The following GXYLT2 variants were observed in gnomAD, a reference collection of about 807,000 sequenced individuals.
GXYLT2 encodes the protein glycosyltransferase 8 domain containing 4.
In GXYLT2, 53 loss-of-function variants were observed where a neutral mutation model predicts 45.8. That is an observed-to-expected ratio of 1.16 (90% CI 0.93 to 1.46). The LOEUF (loss-of-function observed/expected upper bound fraction) is 1.46, where lower values mean the gene tolerates loss of function less well. Ranked by LOEUF, GXYLT2 falls within the 40% of genes most tolerant of loss-of-function variation. GXYLT2 has a pLI of 0.00. For missense variants in GXYLT2, 551 were observed against 544.4 expected, an observed-to-expected ratio of 1.01 and a Z score of -0.12; for synonymous variants, 219 against 214.2, an observed-to-expected ratio of 1.02 and a Z score of -0.19.
intron 1 of GXYLT2, among the ~76,000 whole-genome samples, chr3:72,901,631 G>A (rs1489201965): frequency 2.0e-4 from 25 of 123,738 alleles, no homozygotes; most frequent in African/African-American, 7.5e-4. Context: ...CATGATCTCA[G>A]CTCACTGCAA....
intron 6 of GXYLT2, among the ~76,000 whole-genome samples, chr3:72,969,533 T>C (rs143320478): frequency 3.3e-4 from 51 of 152,260 alleles, no homozygotes; most frequent in African/African-American, 1.2e-3. Flanking sequence ...GATGGGATCT[T>C]GCTTTGTTGC....
intron 3 of GXYLT2, among the ~76,000 whole-genome samples, chr3:72,942,921 G>C (rs552136561): frequency 6.6e-6 from 1 of 152,184 alleles, no homozygotes; most frequent in African/African-American, 2.4e-5. Flanking sequence ...TTTATACCAG[G>C]GTTAATTTCT....
chr3:72,910,851 C>T (rs939913418), intron 2 of GXYLT2, among the ~76,000 whole-genome samples: 7 of 152,064 alleles, frequency 4.6e-5, no homozygotes, highest in African/African-American at 1.2e-4. Context: ...CTCTATGTGG[C>T]GGAACAAAGG....
intron 1 of GXYLT2, 23 bp downstream of exon 1, chr3:72,888,531 TC>T: frequency 8.3e-7 from 1 of 1,203,138 alleles, no homozygotes; most frequent in Non-Finnish European, 1.0e-6. Context: ...AACCCCAGAA[TC>T]CCATCTGCGG....
At chr3:72,940,005 A>T (rs1394795773) in intron 3 of GXYLT2, among the ~76,000 whole-genome samples, 1 of 152,120 alleles carries the variant, frequency 6.6e-6, no homozygotes, top group Non-Finnish European at 1.5e-5. Flanking sequence ...TTAAATGCAA[A>T]GAAATGGCCA....
At chr3:72,912,011 A>ATTTTTTT (rs1235800748) in intron 2 of GXYLT2, among the ~76,000 whole-genome samples, 12 of 115,528 alleles carry the variant, frequency 1.0e-4, no homozygotes, top group African/African-American at 4.9e-4. Flanking sequence ...ATATATATAT[A>ATTTTTTT]TATTTTTTTT....
At chr3:72,892,008 T>G (rs1380635836) in intron 1 of GXYLT2, among the ~76,000 whole-genome samples, 1 of 152,182 alleles carries the variant, frequency 6.6e-6, no homozygotes, top group Non-Finnish European at 1.5e-5. Context: ...TCCTTGAGCC[T>G]ACATACAGAA....
intron 1 of GXYLT2, among the ~76,000 whole-genome samples, chr3:72,889,895 G>T (rs1301630003): frequency 1.1e-4 from 15 of 138,882 alleles, no homozygotes; most frequent in East Asian, 8.1e-4. Context: ...TTTTTCTTTT[G>T]GTTTTTTTTT....
intron 1 of GXYLT2, among the ~76,000 whole-genome samples, chr3:72,892,403 A>T (rs1463359457): frequency 6.6e-6 from 1 of 152,124 alleles, no homozygotes; most frequent in East Asian, 1.9e-4. Context: ...CTTCTAAGGG[A>T]GACTTAAGAT....
At chr3:72,925,160 CT>C (rs1364669755) in intron 3 of GXYLT2, among the ~76,000 whole-genome samples, 285 of 142,642 alleles carry the variant, frequency 2.0e-3, no homozygotes, top group Admixed American at 2.3e-3. Context: ...CTTTTTCTTT[CT>C]TTTTTTTTTT....
intron 3 of GXYLT2, among the ~76,000 whole-genome samples, chr3:72,926,582 T>C (rs987880031): frequency 3.9e-5 from 6 of 152,226 alleles, no homozygotes; most frequent in Non-Finnish European, 8.8e-5. Context: ...TAAGAGTAAT[T>C]GAGTTGTATG....
intron 2 of GXYLT2, among the ~76,000 whole-genome samples, chr3:72,913,083 G>A (rs934063936): frequency 6.7e-6 from 1 of 150,172 alleles, no homozygotes; most frequent in Admixed American, 6.6e-5. Context: ...TGTGGCCCAG[G>A]TGGGAGTGCA....
intron 4 of GXYLT2, 99 bp from the exon 5 acceptor site, chr3:72,957,130 T>A: frequency 4.8e-6 from 6 of 1,257,226 alleles, no homozygotes; most frequent in Non-Finnish European, 6.5e-6. Context: ...TTTGTTTCCC[T>A]CCTCTGAAGG....
At chr3:72,917,869 G>C (rs2107095575) in intron 2 of GXYLT2, among the ~76,000 whole-genome samples, 1 of 152,086 alleles carries the variant, frequency 6.6e-6, no homozygotes, top group Middle Eastern at 3.4e-3. Context: ...TAATGCTCAG[G>C]GAGAACAGTT....
chr3:72,908,412 G>C lies in GXYLT2; in HGVS notation c.321G>C (p.Glu107Asp). The change falls in exon 2 of 7, where the codon GAG becomes GAC. Residue 107 changes from glutamate to aspartate, a missense_variant. Coordinates refer to ENST00000389617, the MANE Select transcript of GXYLT2 (RefSeq NM_001080393.2). The stretch of plus-strand genomic sequence containing the variant: ...GTTTCCAAGCTGTGCTGCCACCCGA[G>C]CTCTGGATCCACCTGGCTGTGGTGG... ...PRSFQAVLPP[E>D]LWIHLAVVAC... The C allele has an allele frequency of 3.1e-6, 5 of 1,613,832 alleles. No individual in the cohort carries two copies. Among genetic ancestry groups the C allele is most frequent in the Non-Finnish European group, 4.2e-6 (5 of 1,179,856 alleles).
chr3:72,909,062 C>CTTTTTTTTTTTTTTTT (rs71126804), intron 2 of GXYLT2, among the ~76,000 whole-genome samples: 3 of 91,120 alleles, frequency 3.3e-5, no homozygotes, highest in Admixed American at 1.3e-4. Flanking sequence ...TTCTTCCTTT[C>CTTTTTTTTTTTTTTTT]TTTTTTTTTT....
chr3:72,956,885 GT>G (rs781281624), intron 4 of GXYLT2, among the ~76,000 whole-genome samples: 75 of 131,222 alleles, frequency 5.7e-4, no homozygotes, highest in Non-Finnish European at 1.0e-3. Flanking sequence ...GCAAGACTCT[GT>G]CTCAAAACAA....
intron 1 of GXYLT2, among the ~76,000 whole-genome samples, chr3:72,897,591 C>T (rs1709318960): frequency 6.6e-6 from 1 of 152,074 alleles, no homozygotes; most frequent in Non-Finnish European, 1.5e-5. Flanking sequence ...GAGTGGTGTC[C>T]CCAAAATAAA....
At chr3:72,927,850 A>G (rs111304055) in intron 3 of GXYLT2, among the ~76,000 whole-genome samples, 1,664 of 152,322 alleles carry the variant, frequency 0.011, 27 homozygotes, top group African/African-American at 0.038. Flanking sequence ...CTCATACACT[A>G]TTAAAAGTTT....
Sources: gnomAD v4.1 joint callset for allele counts (sites outside exome capture counted in the v4.1 genomes callset) on GRCh38, gnomAD v4.1.1 for gene constraint, MANE v1.5 for transcripts, NCBI Gene and HGNC (gene_info 2026-07-23, HGNC 2026-07-21) for gene names.